The following ALG14 variants were observed in gnomAD, a reference collection of about 807,000 sequenced individuals.
The protein encoded by ALG14 is UDP-N-acetylglucosamine transferase subunit ALG14.
A neutral mutation model predicts 22.8 loss-of-function variants in ALG14; 17 were observed. That is an observed-to-expected ratio of 0.75 (90% CI 0.51 to 1.12). ALG14 has a LOEUF of 1.12. ALG14 is among the 50% of genes most tolerant of loss of function. ALG14 has a pLI of 0.00. For synonymous variants in ALG14, 89 were observed against 103.7 expected (o/e 0.86, Z 0.86); for missense variants, 288 against 271.8 (o/e 1.06, Z -0.42).
At position 94,989,688 on chromosome 1, in the gene ALG14, T is replaced by C. The variant is rs78047766; in HGVS notation, c.421-6382A>G. 2.6e-3 allele frequency among the ~76,000 whole-genome samples: 402 copies of C among 152,342 alleles called. 8 individuals are homozygous for C. The East Asian group carries it at 0.072, about 27-fold the overall frequency. On this transcript the variant is annotated intron_variant, in intron 3 of 3. Coordinates refer to ENST00000370205, the MANE Select transcript of ALG14 (RefSeq NM_144988.4). Reference sequence around the variant, plus strand: ...TCTCCTGAAACCAGCTCTGTGGCCATAGAATTTCATTCATGGTTCTGGCTG... The same window carrying C: ...TCTCCTGAAACCAGCTCTGTGGCCACAGAATTTCATTCATGGTTCTGGCTG...
intron 3 of ALG14, among the ~76,000 whole-genome samples, chr1:95,013,759 C>T (rs1323324116): frequency 6.6e-6 from 1 of 152,078 alleles, no homozygotes; most frequent in Non-Finnish European, 1.5e-5. Context: ...TTCAGAGTCT[C>T]AAAATTAATT....
rs375420936 is a variant in ALG14 at position 94,981,468 on chromosome 1, TAAAAAAAAA to T, written c.*1599_*1607del. 9.2e-6 allele frequency: 1 copy of T among 108,262 alleles called. No homozygotes were observed. The highest frequency in any genetic ancestry group is 3.5e-5 in the African/African-American group (1 of 28,294). 6.7% of individuals were successfully genotyped at this position (108,262 alleles called of 1,614,324 possible). A position where few individuals can be genotyped will look rare whatever the true frequency, so the allele number is the denominator to read the frequency against. On this transcript the variant is annotated 3_prime_UTR_variant, in exon 4 of 4. Transcript: ENST00000370205. ...TTTTGTTTTTTTTGCTTTTTTTTTT[TAAAAAAAAA>T]AAAAAGAAAAAAGGCTGGATCAGCC...
intron 3 of ALG14, among the ~76,000 whole-genome samples, chr1:94,998,983 A>G (rs959190256): frequency 2.6e-5 from 4 of 152,152 alleles, no homozygotes; most frequent in Admixed American, 1.3e-4. Context: ...TTACTCATAC[A>G]TTGTTAGGTG....
chr1:95,014,767 T>G (rs764424027), intron 3 of ALG14, among the ~76,000 whole-genome samples: 10 of 152,210 alleles, frequency 6.6e-5, no homozygotes, highest in Admixed American at 3.9e-4. Context: ...CTTCAAAGAA[T>G]AGCTTTGACA....
chr1:95,034,967 A>G (rs1674136721), intron 2 of ALG14, among the ~76,000 whole-genome samples: 2 of 152,122 alleles, frequency 1.3e-5, no homozygotes, highest in Admixed American at 1.3e-4. Context: ...CCCACCTACC[A>G]CTGTTACCAG....
At chr1:95,058,880 A>T (rs993401890) in intron 2 of ALG14, among the ~76,000 whole-genome samples, 1 of 151,934 alleles carries the variant, frequency 6.6e-6, no homozygotes, top group African/African-American at 2.4e-5. Flanking sequence ...TACAGTTTTT[A>T]AAATTTTATT....
rs995468837 is a variant in ALG14 at position 94,975,345 on chromosome 1, C to T, written c.*7731G>A. Reference sequence around the variant, plus strand: ...TTAGTACTTCATTCCTTTGTGTGATCGAGTAATATTCCACTATATGGATAT... The same window carrying T: ...TTAGTACTTCATTCCTTTGTGTGATTGAGTAATATTCCACTATATGGATAT... On this transcript the variant is annotated 3_prime_UTR_variant, in exon 4 of 4. Coordinates refer to ENST00000370205, the MANE Select transcript of ALG14 (RefSeq NM_144988.4). The T allele has an allele frequency of 4.6e-5, 7 of 152,182 alleles. No homozygotes were observed. The highest frequency in any genetic ancestry group is 1.2e-4 in the African/African-American group (5 of 41,432). The allele number at this position is 152,182 out of a possible 1,614,324, so 9.4% of individuals were successfully genotyped here.
Position 95,050,412 on chromosome 1 carries a change from C to T in ALG14, c.288+14454G>A, listed in dbSNP as rs570895350. ...TACACAAATGGTGCAGAATAGGCATCCACACCAAGAGTACCTCAAAACTCT... is the reference window on the plus strand; with the variant it reads ...TACACAAATGGTGCAGAATAGGCATTCACACCAAGAGTACCTCAAAACTCT... On this transcript the variant is annotated intron_variant, in intron 2 of 3. Transcript: ENST00000370205. Among the ~76,000 whole-genome samples the T allele has an allele frequency of 4.6e-5, 7 of 152,152 alleles. No homozygotes were observed. The South Asian group carries it at 1.5e-3, about 32-fold the overall frequency.
intron 2 of ALG14, among the ~76,000 whole-genome samples, chr1:95,057,153 A>T (rs1320115914): frequency 2.7e-5 from 4 of 150,878 alleles, no homozygotes; most frequent in African/African-American, 4.9e-5. Flanking sequence ...TATATAAATA[A>T]ATATATATAT....
chr1:94,984,081 C>T (rs971758000), intron 3 of ALG14, among the ~76,000 whole-genome samples: 1 of 151,918 alleles, frequency 6.6e-6, no homozygotes, highest in Non-Finnish European at 1.5e-5. Context: ...AAGAGAAAAC[C>T]TGTTTCAGAG....
intron 3 of ALG14, among the ~76,000 whole-genome samples, chr1:95,021,438 T>G (rs1012648410): frequency 3.3e-5 from 5 of 152,376 alleles, no homozygotes; most frequent in Admixed American, 3.3e-4. Context: ...CCACTTAACT[T>G]GGAGAGCAGC....
intron 2 of ALG14, among the ~76,000 whole-genome samples, chr1:95,047,502 C>T (rs560263829): frequency 7.2e-5 from 11 of 152,178 alleles, no homozygotes; most frequent in Middle Eastern, 3.4e-3. Context: ...CACCACCACG[C>T]CCAGCTAATT....
At chr1:95,001,921 T>C (rs1278691356) in intron 3 of ALG14, among the ~76,000 whole-genome samples, 6 of 152,226 alleles carry the variant, frequency 3.9e-5, no homozygotes, top group Non-Finnish European at 8.8e-5. Context: ...AATGAATGAA[T>C]TTGTCCAAGG....
At chr1:94,994,565 C>G (rs1298352213) in intron 3 of ALG14, among the ~76,000 whole-genome samples, 4 of 151,124 alleles carry the variant, frequency 2.6e-5, no homozygotes, top group Non-Finnish European at 5.9e-5. Context: ...TTCTGTCTTC[C>G]TGTTTTAGAC....
intron 3 of ALG14, among the ~76,000 whole-genome samples, chr1:94,990,971 C>T (rs1672758100): frequency 6.6e-6 from 1 of 152,236 alleles, no homozygotes; most frequent in Non-Finnish European, 1.5e-5. Context: ...TGTGCATTGA[C>T]ATAATTCATC....
At chr1:95,067,667 C>G (rs529064686) in intron 1 of ALG14, 5 of 152,154 alleles carry the variant, frequency 3.3e-5, no homozygotes, top group African/African-American at 4.8e-5. Context: ...TTTGCTACTC[C>G]CCTGCTCCAG....
intron 2 of ALG14, among the ~76,000 whole-genome samples, chr1:95,058,690 T>C (rs1433693285): frequency 5.8e-5 from 7 of 121,446 alleles, no homozygotes; most frequent in Admixed American, 1.6e-4. Context: ...ATAACCTTTC[T>C]CAAAAAAAAA....
intron 2 of ALG14, among the ~76,000 whole-genome samples, chr1:95,051,687 T>G (rs964745124): frequency 6.6e-6 from 1 of 152,208 alleles, no homozygotes; most frequent in African/African-American, 2.4e-5. Context: ...TTTGGCTACA[T>G]GGACTCTCGC....
intron 2 of ALG14, among the ~76,000 whole-genome samples, chr1:95,043,288 C>T (rs1358568439): frequency 6.6e-6 from 1 of 152,096 alleles, no homozygotes; most frequent in African/African-American, 2.4e-5. Context: ...GGGGAGGCCC[C>T]CCATACACAC....
Sources: gnomAD v4.1 joint callset for allele counts (sites outside exome capture counted in the v4.1 genomes callset) on GRCh38, gnomAD v4.1.1 for gene constraint, MANE v1.5 for transcripts, NCBI Gene and HGNC (gene_info 2026-07-23, HGNC 2026-07-21) for gene names.